The following PTPRB variants were observed in gnomAD, a reference collection of about 807,000 sequenced individuals.
PTPRB encodes protein tyrosine phosphatase receptor type B.
PTPRB carries 97 observed loss-of-function variants against 238.1 expected under a neutral mutation model. The ratio of observed to expected loss-of-function variants is 0.41; its 90% confidence interval spans 0.35 to 0.48. The LOEUF (loss-of-function observed/expected upper bound fraction) is 0.48. PTPRB is among the 20% of genes least tolerant of loss of function. The pLI is 0.30. For missense variants in PTPRB, 2,292 were observed against 2,681.9 expected (o/e 0.85, Z 3.21); for synonymous variants, 970 against 995.4 (o/e 0.97, Z 0.48).
chr12:70,538,478 T>C, intron 27 of PTPRB: 1 of 482,166 alleles, frequency 2.1e-6, no homozygotes, highest in Non-Finnish European at 3.7e-6. Flanking sequence ...ATTACCACAT[T>C]TGCCTGATGG....
In PTPRB at chr12:70,587,237, T is replaced by G; in HGVS notation, c.2081A>C (p.Lys694Thr). ...ACTCAGTGAGGTTTCATTGGCATGT[T>G]TGACACGAAGCTGGAGGACAGCCAG... Reference protein sequence around the residue: ...VPLAVLQLRVKHANETSLSIM... With the variant: ...VPLAVLQLRVTHANETSLSIM... The change falls in exon 9 of 34, where the codon AAA becomes ACA. Residue 694 changes from lysine to threonine, a missense_variant. Physicochemically the swap from Lys to Thr is moderately conservative, Grantham distance 78. Transcript: ENST00000334414. The G allele has an allele frequency of 6.2e-7, 1 of 1,613,860 alleles. No individual in the cohort carries two copies.
At chr12:70,575,592 G>C (rs1356854349) in intron 11 of PTPRB, among the ~76,000 whole-genome samples, 5 of 152,058 alleles carry the variant, frequency 3.3e-5, no homozygotes, top group African/African-American at 1.2e-4. Context: ...CTAGGTAACA[G>C]GATAAGGACA....
At chr12:70,572,298 G>T (rs567119949) in intron 11 of PTPRB, among the ~76,000 whole-genome samples, 38 of 152,292 alleles carry the variant, frequency 2.5e-4, no homozygotes, top group African/African-American at 8.9e-4. Context: ...AGAAGCTGAT[G>T]AACTCATTCT....
In PTPRB at chr12:70,592,470, G is replaced by A. The variant is rs1223205233; in HGVS notation, c.1592C>T (p.Pro531Leu). 6.2e-7 allele frequency: 1 copy of A among 1,613,808 alleles called. No individual in the cohort carries two copies. Among genetic ancestry groups the A allele is most frequent in the Non-Finnish European group, 8.5e-7 (1 of 1,179,756 alleles). ...ATTGTAAGAATCCACATTTCCAGGAGGTCTTTGCCATTTGACTTTTAGAGA... is the reference window on the plus strand; with the variant it reads ...ATTGTAAGAATCCACATTTCCAGGAAGTCTTTGCCATTTGACTTTTAGAGA... The part of the protein sequence containing the change: ...LTSLKVKWQR[P>L]PGNVDSYNIT... Residue 531 changes from proline (P) to leucine (L), a missense_variant, in exon 7 of 34, where the codon CCT (proline) becomes CTT (leucine). By Grantham distance (98) the Pro-to-Leu change is moderately conservative. Transcript: ENST00000334414.
At chr12:70,588,221 C>G (rs1882137142) in intron 8 of PTPRB, among the ~76,000 whole-genome samples, 1 of 151,976 alleles carries the variant, frequency 6.6e-6, no homozygotes, top group Non-Finnish European at 1.5e-5. Context: ...TTCTATAAAT[C>G]CATTCTAATT....
At chr12:70,598,529 T>C (rs992786054) in intron 4 of PTPRB, among the ~76,000 whole-genome samples, 3 of 82,848 alleles carry the variant, frequency 3.6e-5, no homozygotes, top group Non-Finnish European at 7.0e-5. Flanking sequence ...CACTTTCCTA[T>C]CTGGGGAGTA....
chr12:70,586,561 C>T (rs1881934088), intron 9 of PTPRB, among the ~76,000 whole-genome samples: 1 of 152,194 alleles, frequency 6.6e-6, no homozygotes, highest in Non-Finnish European at 1.5e-5. Flanking sequence ...CCCAATACCT[C>T]TTGCCTACTC....
chr12:70,570,032 C>T, intron 13 of PTPRB, 94 bp from the exon 14 acceptor site: 2 of 1,167,602 alleles, frequency 1.7e-6, no homozygotes, highest in Non-Finnish European at 2.4e-6. Context: ...GTTTTGGCAC[C>T]CACTGAGAGA....
At chr12:70,521,785 T>C (rs1179238421) in intron 33 of PTPRB, among the ~76,000 whole-genome samples, 1 of 152,238 alleles carries the variant, frequency 6.6e-6, no homozygotes, top group Non-Finnish European at 1.5e-5. Context: ...GTTACACAGC[T>C]TGTTACAGCT....
chr12:70,581,776 C>T (rs1420226723), intron 9 of PTPRB, among the ~76,000 whole-genome samples: 1 of 151,224 alleles, frequency 6.6e-6, no homozygotes, highest in Non-Finnish European at 1.5e-5. Context: ...CTTAAAGGGG[C>T]TGTTATTATA....
At chr12:70,530,219 T>TTAAA (rs1872994864) in intron 32 of PTPRB, among the ~76,000 whole-genome samples, 2 of 152,198 alleles carry the variant, frequency 1.3e-5, no homozygotes, top group Admixed American at 1.3e-4. Flanking sequence ...TTAGGGATAT[T>TTAAA]TAAATACTGA....
chr12:70,539,572 G>A (rs938473169), intron 26 of PTPRB, 53 bp downstream of exon 26: 18 of 1,373,114 alleles, frequency 1.3e-5, no homozygotes, highest in Admixed American at 1.0e-4. Flanking sequence ...CATTAGGAAG[G>A]AAATTCTGCT....
chr12:70,621,834 T>C (rs1884949409), intron 3 of PTPRB, among the ~76,000 whole-genome samples: 1 of 152,224 alleles, frequency 6.6e-6, no homozygotes, highest in Non-Finnish European at 1.5e-5. Context: ...GCAGAATCAC[T>C]ATTTGAACAG....
chr12:70,617,488 C>T (rs546162773), intron 3 of PTPRB, among the ~76,000 whole-genome samples: 4 of 152,204 alleles, frequency 2.6e-5, no homozygotes, highest in African/African-American at 9.6e-5. Flanking sequence ...GTTTCCTTTC[C>T]CCCTCTCCCC....
intron 16 of PTPRB, 71 bp from the exon 17 acceptor site, chr12:70,561,005 A>C: frequency 6.8e-7 from 1 of 1,469,358 alleles, no homozygotes; most frequent in Non-Finnish European, 9.4e-7. Context: ...AGGTGAGAGT[A>C]TATGCTATGT....
At position 70,534,902 on chromosome 12, in the gene PTPRB, G is replaced by T. The variant is rs1479798348; in HGVS notation, c.6135C>A (p.Asp2045Glu). Residue 2045 changes from aspartate (D) to glutamate (E), a missense_variant, in exon 30 of 34, where the codon GAC (aspartate) becomes GAA (glutamate). Coordinates refer to ENST00000334414, the MANE Select transcript of PTPRB (RefSeq NM_001109754.4). The part of the protein sequence containing the change: ...PADQDSLYYG[D>E]LILQMLSESV... The stretch of plus-strand genomic sequence containing the variant: ...ACTCTGAGAGCATCTGCAGGATGAG[G>T]TCCCCATAGTAGAGGGAATCCTGGT... The T allele has an allele frequency of 1.2e-6, 2 of 1,613,742 alleles. No homozygotes were observed. Among genetic ancestry groups the T allele is most frequent in the Non-Finnish European group, 1.7e-6 (2 of 1,179,798 alleles).
Position 70,622,446 on chromosome 12 carries a change from T to C in PTPRB, c.652A>G (p.Thr218Ala), listed in dbSNP as rs111592755. The stretch of plus-strand genomic sequence containing the variant: ...GTCGACAAAACCCATGATGTGTCTG[T>C]AATTCCAGTCATGTGCAGATTGGGA... Reference protein sequence around the residue: ...QHPNLHMTGITDTSWVLSTTQ... With the variant: ...QHPNLHMTGIADTSWVLSTTQ... Residue 218 changes from threonine (T) to alanine (A), a missense_variant, in exon 3 of 34, where the codon ACA becomes GCA. Physicochemically the swap from Thr to Ala is moderately conservative, Grantham distance 58. Transcript: ENST00000334414. The C allele has an allele frequency of 7.8e-4, 1,256 of 1,613,242 alleles. 1 individual carries two copies. The highest frequency in any genetic ancestry group is 9.1e-4 in the Non-Finnish European group (1,075 of 1,179,658).
At chr12:70,540,693 G>A (rs1874934458) in intron 23 of PTPRB, 165 bp downstream of exon 23, 3 of 606,310 alleles carry the variant, frequency 4.9e-6, no homozygotes, top group East Asian at 5.7e-5. Context: ...GCTGAGAAAA[G>A]TGAGTCATGG....
intron 6 of PTPRB, among the ~76,000 whole-genome samples, chr12:70,593,842 T>A (rs563104447): frequency 2.2e-4 from 34 of 152,328 alleles, no homozygotes; most frequent in African/African-American, 7.2e-4. Context: ...AAGCATTAGA[T>A]TCTACTAAAA....
Sources: allele counts gnomAD v4.1 joint callset (sites outside exome capture counted in the v4.1 genomes callset), GRCh38; gene constraint gnomAD v4.1.1; transcripts MANE v1.5; gene names NCBI Gene and HGNC (gene_info 2026-07-23, HGNC 2026-07-21).